The following HERC1 variants were observed in gnomAD, a reference collection of about 807,000 sequenced individuals.
HERC1 encodes the protein HECT and RLD domain containing E3 ubiquitin protein ligase family member 1.
Under a neutral mutation model 554.3 loss-of-function variants are expected in HERC1, and 160 were observed. The observed-to-expected ratio is 0.29, with a 90% CI of 0.25 to 0.33. The LOEUF (loss-of-function observed/expected upper bound fraction) is 0.33, where lower values mean the gene tolerates loss of function less well. Among genes scored for constraint, HERC1 ranks in the 10% least tolerant of loss-of-function variants. The probability of loss-of-function intolerance (pLI) is 1.00; values close to 1 mark genes in which losing one functional copy is unlikely to be tolerated. For missense variants in HERC1, 4,919 were observed against 5,918.5 expected (o/e 0.83, Z 5.54); for synonymous variants, 2,175 against 2,131.7 (o/e 1.02, Z -0.56).
At chr15:63,788,992 T>C (rs1038993790) in intron 1 of HERC1, among the ~76,000 whole-genome samples, 2 of 151,668 alleles carry the variant, frequency 1.3e-5, no homozygotes, top group African/African-American at 2.4e-5. Context: ...ACCAATTTCA[T>C]GTTATGTTGA....
At position 63,674,383 on chromosome 15, in the gene HERC1, T is replaced by G; in HGVS notation, c.7805A>C (p.His2602Pro). The change falls in exon 38 of 78, where the codon CAT (histidine) becomes CCT (proline). Residue 2602 changes from histidine (H) to proline (P), a missense_variant. Coordinates refer to ENST00000443617, the MANE Select transcript of HERC1 (RefSeq NM_003922.4). ...AQAMIYKLVV[H>P]GLLEDQFGGK... ...CCCAAACTGGTCTTCCAAAAGCCCA[T>G]GAACCACTAATTTATAGATCATGGC... 6.2e-7 allele frequency: 1 copy of G among 1,613,162 alleles called. No homozygotes were observed. Among genetic ancestry groups the G allele is most frequent in the Non-Finnish European group, 8.5e-7 (1 of 1,179,554 alleles).
At chr15:63,779,391 G>A (rs2076213266) in intron 1 of HERC1, among the ~76,000 whole-genome samples, 1 of 152,008 alleles carries the variant, frequency 6.6e-6, no homozygotes, top group African/African-American at 2.4e-5. Context: ...AAAAGCAAAA[G>A]AATTAGCCAG....
intron 34 of HERC1, among the ~76,000 whole-genome samples, chr15:63,685,735 T>A (rs1375854035): frequency 6.6e-6 from 1 of 152,206 alleles, no homozygotes; most frequent in African/African-American, 2.4e-5. Context: ...AGGAGTAGAC[T>A]GTGCAAAAGA....
chr15:63,709,810 A>C (rs2073204504), intron 24 of HERC1, among the ~76,000 whole-genome samples: 1 of 152,256 alleles, frequency 6.6e-6, no homozygotes, highest in South Asian at 2.1e-4. Context: ...TACTGGGAAG[A>C]CATACTAATA....
chr15:63,616,215 T>C (rs2067810026), intron 75 of HERC1, among the ~76,000 whole-genome samples: 1 of 145,752 alleles, frequency 6.9e-6, no homozygotes, highest in African/African-American at 2.6e-5. Flanking sequence ...CAGAAAAAAA[T>C]TAAGGGGGAA....
chr15:63,682,619 AAAAC>A (rs1160182551), intron 34 of HERC1, among the ~76,000 whole-genome samples: 9 of 152,154 alleles, frequency 5.9e-5, no homozygotes, highest in Admixed American at 1.3e-4. Context: ...AAAATATACA[AAAAC>A]AAACAAACAA....
Position 63,749,757 on chromosome 15 carries a change from C to T in HERC1, c.1937G>A (p.Cys646Tyr), listed in dbSNP as rs774631857. The part of the protein sequence containing the change: ...YAWGCGACLG[C>Y]GSSEATALRP... ...CAAAGCAGTAGCTTCTGAAGAACCACAACCTAGACAAGCTCCACAGCCCCA... is the reference window on the plus strand; with the variant it reads ...CAAAGCAGTAGCTTCTGAAGAACCATAACCTAGACAAGCTCCACAGCCCCA... Residue 646 changes from cysteine (C) to tyrosine (Y), a missense_variant, in exon 9 of 78, where the codon TGT becomes TAT. Physicochemically the swap from Cys to Tyr is radical, Grantham distance 194. Coordinates refer to ENST00000443617, the MANE Select transcript of HERC1 (RefSeq NM_003922.4). The surrounding 1 kb of genome is among the most constrained non-coding windows in gnomAD (Gnocchi z 4.1). The T allele has an allele frequency of 6.3e-7, 1 of 1,578,956 alleles. No individual in the cohort carries two copies. Among genetic ancestry groups the T allele is most frequent in the South Asian group, 1.2e-5 (1 of 86,256 alleles).
At chr15:63,781,472 T>C (rs960491643) in intron 1 of HERC1, among the ~76,000 whole-genome samples, 1 of 152,188 alleles carries the variant, frequency 6.6e-6, no homozygotes, top group African/African-American at 2.4e-5. Context: ...CAAGCTTTGA[T>C]TGTTATTATT....
In HERC1 at chr15:63,616,480, T is replaced by C. The variant is rs1225644713; in HGVS notation, c.13891A>G (p.Ser4631Gly). The C allele has an allele frequency of 1.2e-6, 2 of 1,613,904 alleles. No individual in the cohort carries two copies. The highest frequency in any genetic ancestry group is 1.3e-5 in the African/African-American group (1 of 74,940). Reference sequence around the variant, plus strand: ...CCACTGTCTTCAATGTGAAGAATGCTGTTGAGAGTCTGCACGTAGAGCAGA... The same window carrying C: ...CCACTGTCTTCAATGTGAAGAATGCCGTTGAGAGTCTGCACGTAGAGCAGA... ...VDLLYVQTLN[S>G]ILHIEDSGIT... The change falls in exon 75 of 78, where the codon AGC becomes GGC. Residue 4631 changes from serine (S) to glycine (G), a missense_variant. This residue lies in a region of HERC1 where 284 missense variants were observed against 294.1 expected (regional missense o/e 0.97). Coordinates refer to ENST00000443617, the MANE Select transcript of HERC1 (RefSeq NM_003922.4).
At chr15:63,750,202 T>C (rs919920710) in intron 8 of HERC1, among the ~76,000 whole-genome samples, 5 of 152,214 alleles carry the variant, frequency 3.3e-5, no homozygotes, top group African/African-American at 9.7e-5. Context: ...ATAAAATGGA[T>C]TATATAAATC....
At chr15:63,790,318 C>A (rs2076601759) in intron 1 of HERC1, among the ~76,000 whole-genome samples, 1 of 152,148 alleles carries the variant, frequency 6.6e-6, no homozygotes, top group South Asian at 2.1e-4. Flanking sequence ...GTGGCTCATG[C>A]CTGTAATCCC....
At chr15:63,730,795 A>G (rs886160790) in intron 14 of HERC1, among the ~76,000 whole-genome samples, 18 of 152,248 alleles carry the variant, frequency 1.2e-4, no homozygotes, top group Non-Finnish European at 2.2e-4. Context: ...GCTGAAGAGC[A>G]CAGGGGAATT....
chr15:63,707,054 CATTA>C (rs1442475131), intron 24 of HERC1, among the ~76,000 whole-genome samples: 1 of 152,164 alleles, frequency 6.6e-6, no homozygotes, highest in East Asian at 1.9e-4. Context: ...AAAAAACTCA[CATTA>C]ATTAACATTG....
intron 1 of HERC1, among the ~76,000 whole-genome samples, chr15:63,800,325 C>T (rs60282704): frequency 0.031 from 4,701 of 152,280 alleles, 100 homozygotes; most frequent in African/African-American, 0.065. Flanking sequence ...CAAGAACTGA[C>T]CTCTCCCCTT....
At position 63,727,860 on chromosome 15, in the gene HERC1, AC is replaced by A; in HGVS notation, c.3155-23del. 4 of 1,592,246 alleles carry A rather than the reference AC, an allele frequency of 2.5e-6. No homozygotes were observed. Among genetic ancestry groups the A allele is most frequent in the Non-Finnish European group, 3.4e-6 (4 of 1,163,720 alleles). ...ACATCTATGAAGGGCAAGAAATTAA[AC>A]ATGGGACAATTGCTTCAAATGAACT... On this transcript the variant is annotated intron_variant, in intron 16 of 77. Transcript: ENST00000443617. This position sits in a 1 kb window ranked among gnomAD's most constrained non-coding sequence, Gnocchi z 4.3.
intron 1 of HERC1, among the ~76,000 whole-genome samples, chr15:63,790,509 C>A (rs148807778): frequency 2.0e-5 from 3 of 151,800 alleles, no homozygotes; most frequent in Admixed American, 6.6e-5. Context: ...ACCAGGGAGG[C>A]GGAGCTTGCA....
chr15:63,768,104 C>T (rs1161390789), intron 2 of HERC1, among the ~76,000 whole-genome samples: 1 of 152,226 alleles, frequency 6.6e-6, no homozygotes. Flanking sequence ...CTAATCAGAG[C>T]CTTCCAATCA....
At chr15:63,640,581 G>T in intron 60 of HERC1, 136 bp from the exon 61 acceptor site, 1 of 746,310 alleles carries the variant, frequency 1.3e-6, no homozygotes, top group Non-Finnish European at 2.1e-6. Flanking sequence ...AATAATTTTA[G>T]ATTTAGAGTG....
intron 2 of HERC1, among the ~76,000 whole-genome samples, chr15:63,766,189 T>C (rs755159524): frequency 1.3e-5 from 2 of 151,526 alleles, no homozygotes; most frequent in Non-Finnish European, 2.9e-5. Flanking sequence ...AATATAATCA[T>C]AGAGGTCAAA....
Sources: gnomAD v4.1 joint callset for allele counts (sites outside exome capture counted in the v4.1 genomes callset) on GRCh38, gnomAD v4.1.1 for gene constraint, gnomAD v4.1.1 regional missense constraint, Gnocchi (gnomAD v3.1) non-coding constraint, MANE v1.5 for transcripts, NCBI Gene and HGNC (gene_info 2026-07-23, HGNC 2026-07-21) for gene names.